The following P3H3 variants were observed in gnomAD, a reference collection of about 807,000 sequenced individuals.
P3H3 encodes the protein prolyl 3-hydroxylase 3.
A neutral mutation model predicts 78.1 loss-of-function variants in P3H3; 64 were observed. The ratio of observed to expected loss-of-function variants is 0.82; its 90% CI spans 0.67 to 1.01. The LOEUF (loss-of-function observed/expected upper bound fraction) is 1.01. P3H3 is among the 50% of genes least tolerant of loss of function. P3H3 has a pLI of 0.00. For synonymous variants in P3H3, 425 were observed against 416.7 expected (o/e 1.02, Z -0.24); for missense variants, 975 against 982.2 (o/e 0.99, Z 0.10).
At position 6,837,451 on chromosome 12, in the gene P3H3, AG is replaced by A. The variant is rs1555122331; in HGVS notation, c.1592del (p.Gly531ValfsTer8). On this transcript the variant is annotated frameshift_variant, in exon 11 of 15. Transcript: ENST00000290510. LOFTEE classifies it high-confidence loss of function. ...QLARAGTVGS[Q>X]GAKLLLEVSE... ...GCCCGGGCTGGGACAGTGGGCAGTCAGGGTGCTAAGCTGCTTCTGGAGGTGA... is the reference window on the plus strand; with the variant it reads ...GCCCGGGCTGGGACAGTGGGCAGTCAGGTGCTAAGCTGCTTCTGGAGGTGA... 1.2e-6 allele frequency: 2 copies of A among 1,611,480 alleles called. No individual in the cohort carries two copies. The highest frequency in any genetic ancestry group is 2.2e-5 in the South Asian group (2 of 90,418).
Position 6,834,012 on chromosome 12 carries a change from C to A in P3H3, c.1421C>A (p.Thr474Asn), listed in dbSNP as rs1591580779. Residue 474 changes from threonine to asparagine, a missense_variant, in exon 9 of 15, where the codon ACC (threonine) becomes AAC (asparagine). Thr to Asn is a moderately conservative substitution (Grantham distance 65, BLOSUM62 0). Coordinates refer to ENST00000290510, the MANE Select transcript of P3H3 (RefSeq NM_014262.5). ...SERAVLDGLL[T>N]PAECGVLLQL... ...CGGGCGGTGTTGGATGGGCTGCTCA[C>A]CCCAGCCGAGTGTGGGGTGCTGCTG... 7 of 1,613,754 alleles carry A rather than the reference C, an allele frequency of 4.3e-6. No homozygotes were observed. Among genetic ancestry groups the A allele is most frequent in the Non-Finnish European group, 5.1e-6 (6 of 1,179,878 alleles).
At chr12:6,836,923 G>A in intron 9 of P3H3, 62 bp from the exon 10 acceptor site, 2 of 1,252,826 alleles carry the variant, frequency 1.6e-6, no homozygotes, top group Non-Finnish European at 2.3e-6. Context: ...GGAGGGTCTT[G>A]CAGCCCTGCA....
In P3H3 at chr12:6,837,062, G is replaced by A. The variant is rs1308047545; in HGVS notation, c.1536G>A (p.Gly512=). 1 of 1,605,416 alleles carries A rather than the reference G, an allele frequency of 6.2e-7. No individual in the cohort carries two copies. The highest frequency in any genetic ancestry group is 2.2e-5 in the East Asian group (1 of 44,874). The stretch of plus-strand genomic sequence containing the variant: ...ACACCCCCCATGAACGCTTCGAGGG[G>A]CTCACGGTGCTTAAGGCTGCGCAGG... ...SPHTPHERFE[G]LTVLKAAQLA... The change falls in exon 10 of 15, where the codon GGG becomes GGA. Residue 512 remains glycine (G), a synonymous_variant. Coordinates refer to ENST00000290510, the MANE Select transcript of P3H3 (RefSeq NM_014262.5).
At position 6,831,415 on chromosome 12, in the gene P3H3, T is replaced by TA; in HGVS notation, c.1122+65dup. ...AAATCAAACAAATAGACCTGAGAAG[T>TA]AACCTGGACCCCCACCCCCCGCTGG... On this transcript the variant is annotated intron_variant, in intron 5 of 14. Transcript: ENST00000290510. This position sits in a 1 kb window ranked among gnomAD's most constrained non-coding sequence, Gnocchi z 4.6. The TA allele has an allele frequency of 6.3e-7, 1 of 1,598,872 alleles. No individual in the cohort carries two copies. Among genetic ancestry groups the TA allele is most frequent in the Non-Finnish European group, 8.5e-7 (1 of 1,174,176 alleles).
Position 6,839,024 on chromosome 12 carries a change from C to A in P3H3, c.1930C>A (p.Arg644Ser). 1 of 1,607,992 alleles carries A rather than the reference C, an allele frequency of 6.2e-7. No individual in the cohort carries two copies. The highest frequency in any genetic ancestry group is 8.5e-7 in the Non-Finnish European group (1 of 1,177,182). Residue 644 changes from arginine to serine, a missense_variant, in exon 14 of 15, where the codon CGC (arginine) becomes AGC (serine). Transcript: ENST00000290510. ...VTARVRPRCG[R>S]LVAFSSGVEN... ...GGCTCGGGTGCGTCCTCGCTGTGGG[C>A]GCCTTGTGGCCTTCAGCTCCGGTGT...
Position 6,831,896 on chromosome 12 carries a change from GAC to G in P3H3, c.1195_1196del (p.Thr399GlnfsTer6). 1.2e-6 allele frequency: 2 copies of G among 1,603,236 alleles called. No individual in the cohort carries two copies. Among genetic ancestry groups the G allele is most frequent in the Non-Finnish European group, 1.7e-6 (2 of 1,172,690 alleles). On this transcript the variant is annotated frameshift_variant, in exon 6 of 15. Transcript: ENST00000290510. LOFTEE classifies it high-confidence loss of function. This position sits in a 1 kb window ranked among gnomAD's most constrained non-coding sequence, Gnocchi z 4.6. ...TCTACTATGCCATGGAGCACCTGGG[GAC>G]CAGCTTCAAGGATCCTGTGAGTCAC... ...QLYYAMEHLG[T>X]SFKDPDPWTP...
intron 13 of P3H3, 78 bp downstream of exon 13, chr12:6,838,111 G>A: frequency 2.0e-6 from 3 of 1,536,196 alleles, no homozygotes; most frequent in Non-Finnish European, 2.6e-6. Context: ...AGGCTCCAGA[G>A]GCAAATGCAG....
In P3H3 at chr12:6,839,111, C is replaced by A; in HGVS notation, c.2017C>A (p.His673Asn). Residue 673 changes from histidine (H) to asparagine (N), a missense_variant, in exon 14 of 15, where the codon CAC becomes AAC. His to Asn is a moderately conservative substitution (Grantham distance 68). Coordinates refer to ENST00000290510, the MANE Select transcript of P3H3 (RefSeq NM_014262.5). ...RGRRCALALW[H>N]TWAPEHREQE... ...ACGGCGCTGTGCCCTGGCACTGTGG[C>A]ACACGTGGGCACCTGAGCACAGGGA... 1 of 1,606,658 alleles carries A rather than the reference C, an allele frequency of 6.2e-7. No homozygotes were observed.
At position 6,833,730 on chromosome 12, in the gene P3H3, C is replaced by T. The variant is rs782128503; in HGVS notation, c.1266-12C>T. 2.2e-5 allele frequency: 35 copies of T among 1,606,746 alleles called. No individual in the cohort carries two copies. The South Asian group carries it at 3.7e-4, about 17-fold the overall frequency. On this transcript the variant is annotated splice_polypyrimidine_tract_variant and intron_variant, in intron 7 of 14. Transcript: ENST00000290510. ...TCCTGGGCACCCACTGAGCGCATCTCTCACCCCTGAGAGAGGATCAAGAGA... is the reference window on the plus strand; with the variant it reads ...TCCTGGGCACCCACTGAGCGCATCTTTCACCCCTGAGAGAGGATCAAGAGA...
Position 6,829,858 on chromosome 12 carries a change from G to C in P3H3, c.499-1G>C. The C allele has an allele frequency of 1.9e-6, 3 of 1,613,924 alleles. No individual in the cohort carries two copies. The highest frequency in any genetic ancestry group is 2.7e-5 in the African/African-American group (2 of 75,044). ...ATGCCCTCCTCCCTTCGCCTCCTCAGTTGAAGAAGCTGGATCTGGCAGCTG... is the reference window on the plus strand; with the variant it reads ...ATGCCCTCCTCCCTTCGCCTCCTCACTTGAAGAAGCTGGATCTGGCAGCTG... On this transcript the variant is annotated splice_acceptor_variant, in intron 1 of 14. Transcript: ENST00000290510. LOFTEE classifies it high-confidence loss of function. The surrounding 1 kb of genome is among the most constrained non-coding windows in gnomAD (Gnocchi z 5.1).
At chr12:6,832,899 C>CCT (rs1943463367) in intron 6 of P3H3, among the ~76,000 whole-genome samples, 1 of 124,506 alleles carries the variant, frequency 8.0e-6, no homozygotes, top group Admixed American at 8.0e-5. Flanking sequence ...CACCGGAACC[C>CCT]GGCCTGCAGC....
intron 13 of P3H3, among the ~76,000 whole-genome samples, chr12:6,838,447 A>G (rs1943523866): frequency 6.6e-6 from 1 of 152,096 alleles, no homozygotes; most frequent in African/African-American, 2.4e-5. Context: ...GGGTGATAAT[A>G]ATAGTACGTA....
In P3H3 at chr12:6,829,629, C is replaced by A; in HGVS notation, c.499-230C>A. 1.8e-6 allele frequency: 1 copy of A among 553,486 alleles called. No homozygotes were observed. Among genetic ancestry groups the A allele is most frequent in the Non-Finnish European group, 3.2e-6 (1 of 310,660 alleles). The allele number at this position is 553,486 out of a possible 1,614,324, so 34.3% of individuals were successfully genotyped here. On this transcript the variant is annotated intron_variant, in intron 1 of 14. Transcript: ENST00000290510. The surrounding 1 kb of genome is among the most constrained non-coding windows in gnomAD (Gnocchi z 5.1). ...CTGAGACCCATGTCCCACCCAACTC[C>A]GACGTCTTTAGATCCCCTTTCCCTC...
chr12:6,836,552 C>T (rs1385470582), intron 9 of P3H3, among the ~76,000 whole-genome samples: 18 of 152,162 alleles, frequency 1.2e-4, no homozygotes, highest in African/African-American at 4.1e-4. Flanking sequence ...CTGATGCTGT[C>T]TCCCTACCGC....
intron 9 of P3H3, among the ~76,000 whole-genome samples, chr12:6,836,437 G>A (rs1215971654): frequency 6.6e-6 from 1 of 152,166 alleles, no homozygotes; most frequent in Non-Finnish European, 1.5e-5. Context: ...GGTCGCGGAG[G>A]TGGCTGGGTA....
intron 10 of P3H3, 121 bp downstream of exon 10, chr12:6,837,207 G>A: frequency 3.0e-6 from 3 of 1,007,694 alleles, no homozygotes; most frequent in Non-Finnish European, 4.3e-6. Context: ...GAGACTACCT[G>A]ATAGGACCCA....
Position 6,831,434 on chromosome 12 carries a change from C to A in P3H3, c.1122+82C>A, listed in dbSNP as rs199707222. 2 of 1,565,160 alleles carry A rather than the reference C, an allele frequency of 1.3e-6. No homozygotes were observed. The highest frequency in any genetic ancestry group is 2.3e-5 in the South Asian group (2 of 86,978). On this transcript the variant is annotated intron_variant, in intron 5 of 14. Coordinates refer to ENST00000290510, the MANE Select transcript of P3H3 (RefSeq NM_014262.5). This position sits in a 1 kb window ranked among gnomAD's most constrained non-coding sequence, Gnocchi z 4.6. Reference sequence around the variant, plus strand: ...GAGAAGTAACCTGGACCCCCACCCCCCGCTGGCCTCTTACCCGAGCACTCT... The same window carrying A: ...GAGAAGTAACCTGGACCCCCACCCCACGCTGGCCTCTTACCCGAGCACTCT...
At position 6,829,245 on chromosome 12, in the gene P3H3, G is replaced by T; in HGVS notation, c.498+307G>T. 1 of 331,906 alleles carries T rather than the reference G, an allele frequency of 3.0e-6. No individual in the cohort carries two copies. Among genetic ancestry groups the T allele is most frequent in the Non-Finnish European group, 5.5e-6 (1 of 183,294 alleles). 20.6% of individuals were successfully genotyped at this position (331,906 alleles called of 1,614,324 possible). ...CCTAGGAATGAAGCGGAGGCGGTGG[G>T]GGCGAAACCGGCTCTCGGACGGGAA... On this transcript the variant is annotated intron_variant, in intron 1 of 14. Transcript: ENST00000290510. The surrounding 1 kb of genome is among the most constrained non-coding windows in gnomAD (Gnocchi z 5.1).
intron 13 of P3H3, 138 bp downstream of exon 13, chr12:6,838,171 T>A (rs1394322792): frequency 9.1e-7 from 1 of 1,102,960 alleles, no homozygotes; most frequent in African/African-American, 1.6e-5. Flanking sequence ...TCCGCAGCCC[T>A]CCCGCTGCTT....
Sources: gnomAD v4.1 joint callset for allele counts (sites outside exome capture counted in the v4.1 genomes callset) on GRCh38, gnomAD v4.1.1 for gene constraint, Gnocchi (gnomAD v3.1) non-coding constraint, MANE v1.5 for transcripts, NCBI Gene and HGNC (gene_info 2026-07-23, HGNC 2026-07-21) for gene names.